Variants in PCDH11X observed in about 807,000 individuals in gnomAD.
The protein encoded by PCDH11X is protocadherin 11 X-linked, also known as protocadherin-11 X-linked.
A neutral mutation model predicts 53.3 loss-of-function variants in PCDH11X; 18 were observed. That is an observed-to-expected ratio of 0.34 (90% CI 0.23 to 0.50). PCDH11X has a LOEUF of 0.50. Ranked by LOEUF, PCDH11X falls within the 20% of genes least tolerant of loss-of-function variation. The pLI, the probability that PCDH11X is intolerant of heterozygous loss-of-function variation, is 0.98. For synonymous variants in PCDH11X, 279 were observed against 393.3 expected, an observed-to-expected ratio of 0.71 and a Z score of 3.44; for missense variants, 570 against 1,032.4, an observed-to-expected ratio of 0.55 and a Z score of 6.14.
At chrX:92,480,746 C>G (rs1388675053) in intron 10 of PCDH11X, among the ~76,000 whole-genome samples, 1 of 111,575 alleles carries the variant, frequency 9.0e-6, no homozygotes, top group Non-Finnish European at 1.9e-5. Flanking sequence ...TGCTCCCAGA[C>G]TACTGATCAC....
chrX:91,848,967 C>T (rs1937853625), intron 5 of PCDH11X, among the ~76,000 whole-genome samples: 1 of 109,110 alleles, frequency 9.2e-6, no homozygotes, highest in African/African-American at 3.4e-5. Context: ...AATTACTAAA[C>T]ACTTTCCAAG....
At chrX:91,916,522 A>G (rs1159316599) in intron 6 of PCDH11X, among the ~76,000 whole-genome samples, 1 of 111,436 alleles carries the variant, frequency 9.0e-6, no homozygotes, top group African/African-American at 3.3e-5. Context: ...ACAAAACATC[A>G]TTCAAGGTTA....
Position 91,969,754 on chromosome X carries a change from G to A in PCDH11X, c.3033+90481G>A, listed in dbSNP as rs775275563. 9.5e-5 allele frequency among the ~76,000 whole-genome samples: 10 copies of A among 104,749 alleles called. No individual in the cohort carries two copies. The East Asian group carries it at 2.7e-3, about 29-fold the overall frequency. The allele number at this position is 104,749 out of a possible 115,157, so 91.0% of individuals were successfully genotyped here. On this transcript the variant is annotated intron_variant, in intron 6 of 10. Coordinates refer to ENST00000682573, the MANE Select transcript of PCDH11X (RefSeq NM_032968.5). ...TGAGGCTGCAGTGAGCAGTGACTGT[G>A]CCACTGCACTGCAGCCTGGGTGACT...
chrX:92,575,971 C>CACACA (rs1922857421), intron 10 of PCDH11X, among the ~76,000 whole-genome samples: 1 of 35,015 alleles, frequency 2.9e-5, no homozygotes, highest in African/African-American at 1.1e-4. Flanking sequence ...ACACACACAC[C>CACACA]TGGGGTGTAT....
intron 8 of PCDH11X, among the ~76,000 whole-genome samples, chrX:92,385,898 G>C (rs964445673): frequency 1.8e-5 from 2 of 111,050 alleles, no homozygotes; most frequent in Non-Finnish European, 3.8e-5. Flanking sequence ...GTTCCAGCAA[G>C]CTTTTCTTTT....
intron 6 of PCDH11X, among the ~76,000 whole-genome samples, chrX:92,113,087 A>G (rs1370398113): frequency 9.6e-6 from 1 of 103,851 alleles, no homozygotes; most frequent in Non-Finnish European, 1.9e-5. Flanking sequence ...CTACCTTTTT[A>G]TCTATTTTTT....
chrX:91,949,474 A>G (rs2061613322), intron 6 of PCDH11X, among the ~76,000 whole-genome samples: 1 of 110,660 alleles, frequency 9.0e-6, no homozygotes, highest in South Asian at 3.7e-4. Context: ...TCATTGTAAA[A>G]TAAAGACTAG....
chrX:92,473,084 A>G (rs1219585606), intron 10 of PCDH11X, among the ~76,000 whole-genome samples: 1 of 106,354 alleles, frequency 9.4e-6, no homozygotes, highest in Admixed American at 1.0e-4. Flanking sequence ...GCAAACAGAG[A>G]TAGTTTGACT....
intron 6 of PCDH11X, among the ~76,000 whole-genome samples, chrX:91,974,641 G>A (rs1279176276): frequency 8.2e-5 from 9 of 109,990 alleles, no homozygotes; most frequent in African/African-American, 3.0e-4. Flanking sequence ...TGGCAAGGGA[G>A]ATATTTGGAA....
chrX:92,387,966 A>G (rs1396050316), intron 9 of PCDH11X, 33 bp downstream of exon 9: 11 of 1,191,104 alleles, frequency 9.2e-6, no homozygotes, highest in Non-Finnish European at 1.2e-5. Flanking sequence ...CTCAATATAA[A>G]CGGGCTTACT....
chrX:91,803,149 G>T (rs1335651426), intron 1 of PCDH11X, among the ~76,000 whole-genome samples: 3 of 111,706 alleles, frequency 2.7e-5, no homozygotes, highest in Non-Finnish European at 5.7e-5. Flanking sequence ...CTTATTGAAT[G>T]AATAGGCATT....
chrX:92,534,512 C>G (rs2074620362), intron 10 of PCDH11X, among the ~76,000 whole-genome samples: 1 of 111,658 alleles, frequency 9.0e-6, no homozygotes, highest in Non-Finnish European at 1.9e-5. Flanking sequence ...CTTCCCCAAC[C>G]TAGCAAGGCA....
At chrX:92,272,137 CA>C (rs1331501854) in intron 8 of PCDH11X, among the ~76,000 whole-genome samples, 1 of 111,357 alleles carries the variant, frequency 9.0e-6, no homozygotes, top group African/African-American at 3.3e-5. Context: ...CTTTTTTTAT[CA>C]AGGGCATTTA....
intron 6 of PCDH11X, among the ~76,000 whole-genome samples, chrX:92,021,147 G>A (rs748562702): frequency 5.7e-4 from 63 of 111,041 alleles, no homozygotes; most frequent in African/African-American, 1.8e-3. Context: ...TGATCCCAAC[G>A]CCTTTCCAGC....
At chrX:92,151,348 G>T (rs1182383425) in intron 6 of PCDH11X, among the ~76,000 whole-genome samples, 1 of 109,100 alleles carries the variant, frequency 9.2e-6, no homozygotes, top group Admixed American at 9.9e-5. Flanking sequence ...GCCCGCCACC[G>T]TGCCTGGCTA....
chrX:91,954,640 A>G (rs906001053), intron 6 of PCDH11X, among the ~76,000 whole-genome samples: 2 of 110,344 alleles, frequency 1.8e-5, no homozygotes, highest in African/African-American at 6.6e-5. Flanking sequence ...TGAATTTTTA[A>G]TAATAGCCAT....
At chrX:91,875,443 A>C (rs1297855596) in intron 5 of PCDH11X, among the ~76,000 whole-genome samples, 4 of 104,828 alleles carry the variant, frequency 3.8e-5, no homozygotes, top group African/African-American at 7.4e-5. Flanking sequence ...CCACCACGCC[A>C]GGCTAATTTT....
At chrX:92,377,886 A>T (rs1043418115) in intron 8 of PCDH11X, among the ~76,000 whole-genome samples, 2 of 106,537 alleles carry the variant, frequency 1.9e-5, no homozygotes, top group African/African-American at 6.8e-5. Flanking sequence ...ATATAAAATT[A>T]TATATATATA....
chrX:92,419,890 C>T (rs2071920350), intron 9 of PCDH11X, among the ~76,000 whole-genome samples: 1 of 109,225 alleles, frequency 9.2e-6, no homozygotes, highest in Admixed American at 9.8e-5. Context: ...CCGTTTTAGC[C>T]CAGGTGGTCT....
Sources: gnomAD v4.1 joint callset for allele counts (sites outside exome capture counted in the v4.1 genomes callset) on GRCh38, gnomAD v4.1.1 for gene constraint, MANE v1.5 for transcripts, NCBI Gene and HGNC (gene_info 2026-07-23, HGNC 2026-07-21) for gene names.